Variants in CNTNAP2 observed in about 807,000 individuals in gnomAD.
CNTNAP2 encodes the protein contactin-associated protein-like 2.
CNTNAP2 carries 98 observed loss-of-function variants against 155.2 expected under a neutral mutation model. The ratio of observed to expected loss-of-function variants is 0.63; its 90% CI spans 0.54 to 0.75. The LOEUF (loss-of-function observed/expected upper bound fraction) is 0.75. Among genes scored for constraint, CNTNAP2 ranks in the 30% least tolerant of loss-of-function variants. The pLI, the probability that CNTNAP2 is intolerant of heterozygous loss-of-function variation, is 0.00. For missense variants in CNTNAP2, 1,727 were observed against 1,688.1 expected (o/e 1.02, Z -0.40); for synonymous variants, 651 against 631.2 (o/e 1.03, Z -0.47).
intron 15 of CNTNAP2, among the ~76,000 whole-genome samples, chr7:148,093,892 A>G (rs1263088429): frequency 6.6e-6 from 1 of 152,102 alleles, no homozygotes; most frequent in East Asian, 1.9e-4. Flanking sequence ...AAGATGCTGT[A>G]ACTACAGGCC....
At chr7:146,307,283 G>A (rs1474738434) in intron 1 of CNTNAP2, among the ~76,000 whole-genome samples, 1 of 152,116 alleles carries the variant, frequency 6.6e-6, no homozygotes, top group Admixed American at 6.6e-5. Context: ...GGATGTGAAG[G>A]ACATCTTCAA....
rs532860630 is a variant in CNTNAP2, at chr7:146,675,872, A to C, written c.98-98399A>C. ...AAAAACATTTGCTTTCCTTATCAAT[A>C]CATATGCTTCATTTTATTAGTAAGT... On this transcript the variant is annotated intron_variant, in intron 1 of 23. Coordinates refer to ENST00000361727, the MANE Select transcript of CNTNAP2 (RefSeq NM_014141.6). 2.3e-3 allele frequency among the ~76,000 whole-genome samples: 347 copies of C among 152,306 alleles called. 2 individuals carry two copies. Among genetic ancestry groups the C allele is most frequent in the Non-Finnish European group, 4.1e-3 (282 of 68,028 alleles).
At chr7:146,155,227 G>T (rs1001194511) in intron 1 of CNTNAP2, among the ~76,000 whole-genome samples, 4 of 152,064 alleles carry the variant, frequency 2.6e-5, no homozygotes, top group Admixed American at 2.6e-4. Context: ...CACTTCCTTC[G>T]AACTGGGAAA....
chr7:146,702,921 A>G (rs1800901353), intron 1 of CNTNAP2, among the ~76,000 whole-genome samples: 1 of 152,164 alleles, frequency 6.6e-6, no homozygotes, highest in African/African-American at 2.4e-5. Context: ...ATTGACAACA[A>G]TGGTAGCAAA....
At chr7:147,677,878 G>A (rs561339806) in intron 13 of CNTNAP2, among the ~76,000 whole-genome samples, 22 of 151,618 alleles carry the variant, frequency 1.5e-4, no homozygotes, top group South Asian at 8.3e-4. Flanking sequence ...TGTTCTACAC[G>A]TCTGTTTTTA....
chr7:147,734,572 A>G (rs1796804742), intron 13 of CNTNAP2, among the ~76,000 whole-genome samples: 1 of 152,134 alleles, frequency 6.6e-6, no homozygotes, highest in Non-Finnish European at 1.5e-5. Context: ...TATTGATTGG[A>G]ATAGTTTCAG....
chr7:147,562,024 G>C (rs1800073120), intron 11 of CNTNAP2, 114 bp from the exon 12 acceptor site: 16 of 1,359,158 alleles, frequency 1.2e-5, no homozygotes, highest in Middle Eastern at 1.8e-4. Flanking sequence ...CTCTTTCCAG[G>C]AAGAACTACT....
chr7:147,143,994 G>T (rs1278269498), intron 8 of CNTNAP2, among the ~76,000 whole-genome samples: 2 of 151,894 alleles, frequency 1.3e-5, no homozygotes, highest in East Asian at 3.9e-4. Context: ...TTTTCTTCAG[G>T]CTTGGGAATG....
chr7:147,089,146 G>C (rs1800344714), intron 4 of CNTNAP2, among the ~76,000 whole-genome samples: 1 of 152,146 alleles, frequency 6.6e-6, no homozygotes, highest in African/African-American at 2.4e-5. Flanking sequence ...CTGTCACATG[G>C]GAGCTACATT....
chr7:147,923,111 G>A (rs1800315099), intron 14 of CNTNAP2, among the ~76,000 whole-genome samples: 1 of 149,642 alleles, frequency 6.7e-6, no homozygotes, highest in Non-Finnish European at 1.5e-5. Flanking sequence ...GGAGGGGAGG[G>A]AAGGGGAGGG....
At chr7:148,344,384 C>T (rs1420210089) in intron 21 of CNTNAP2, among the ~76,000 whole-genome samples, 1 of 152,160 alleles carries the variant, frequency 6.6e-6, no homozygotes, top group Non-Finnish European at 1.5e-5. Context: ...TGTGCTCCCC[C>T]ATTCACTCCA....
intron 11 of CNTNAP2, among the ~76,000 whole-genome samples, chr7:147,492,373 AGT>A (rs1175426189): frequency 2.0e-5 from 3 of 152,196 alleles, no homozygotes; most frequent in Non-Finnish European, 4.4e-5. Context: ...TACATCATAG[AGT>A]GTGGTCAATT....
chr7:147,831,545 C>T (rs1220620005), intron 13 of CNTNAP2, among the ~76,000 whole-genome samples: 4 of 152,188 alleles, frequency 2.6e-5, no homozygotes, highest in African/African-American at 9.7e-5. Context: ...GTGTAAGACA[C>T]ATGTCAGCAT....
At chr7:146,525,171 G>C (rs750423078) in intron 1 of CNTNAP2, among the ~76,000 whole-genome samples, 24 of 152,096 alleles carry the variant, frequency 1.6e-4, no homozygotes, top group South Asian at 4.1e-4. Context: ...AAATTGAATT[G>C]TTTGGGCCCT....
intron 1 of CNTNAP2, among the ~76,000 whole-genome samples, chr7:146,362,958 A>C (rs887697290): frequency 1.3e-5 from 2 of 151,772 alleles, no homozygotes; most frequent in African/African-American, 4.8e-5. Flanking sequence ...TTTAGTAGAG[A>C]TGGGGTTTCA....
chr7:147,882,745 C>T (rs1237418678), intron 13 of CNTNAP2, among the ~76,000 whole-genome samples: 3 of 151,732 alleles, frequency 2.0e-5, no homozygotes, highest in Non-Finnish European at 4.4e-5. Context: ...TTTTATTACT[C>T]ATTACCCTAA....
intron 8 of CNTNAP2, among the ~76,000 whole-genome samples, chr7:147,144,757 AGTTT>A (rs1801667085): frequency 6.6e-6 from 1 of 152,230 alleles, no homozygotes; most frequent in South Asian, 2.1e-4. Context: ...ATACACAATA[AGTTT>A]ATTACATAGA....
chr7:148,298,745 C>T (rs1194663924), intron 21 of CNTNAP2, among the ~76,000 whole-genome samples: 2 of 152,068 alleles, frequency 1.3e-5, no homozygotes, highest in African/African-American at 2.4e-5. Flanking sequence ...AGGCTGGAGT[C>T]GAGTGGTACA....
intron 1 of CNTNAP2, among the ~76,000 whole-genome samples, chr7:146,483,274 TAA>T (rs1172354064): frequency 0.022 from 880 of 40,860 alleles, 50 homozygotes; most frequent in African/African-American, 0.066. Flanking sequence ...AGACTCCGTC[TAA>T]AAAAAAATAT....
Sources: allele counts gnomAD v4.1 joint callset (sites outside exome capture counted in the v4.1 genomes callset), GRCh38; gene constraint gnomAD v4.1.1; transcripts MANE v1.5; gene names NCBI Gene and HGNC (gene_info 2026-07-23, HGNC 2026-07-21).